Variants in PTPRB observed in about 807,000 individuals in gnomAD.
PTPRB encodes receptor-type tyrosine-protein phosphatase beta.
In PTPRB, 97 loss-of-function variants were observed where a neutral mutation model predicts 238.1. The ratio of observed to expected loss-of-function variants is 0.41; its 90% confidence interval spans 0.35 to 0.48. PTPRB has a LOEUF of 0.48. Among genes scored for constraint, PTPRB ranks in the 20% least tolerant of loss-of-function variants. The pLI, the probability that PTPRB is intolerant of heterozygous loss-of-function variation, is 0.30. For synonymous variants in PTPRB, 970 were observed against 995.4 expected (o/e 0.97, Z 0.48); for missense variants, 2,292 against 2,681.9 (o/e 0.85, Z 3.21).
rs1270991939 is a variant in PTPRB, at chr12:70,517,208, C to G, written c.*4281G>C. The stretch of plus-strand genomic sequence containing the variant: ...ATTCAAAAAGCAAAATAAATTGATT[C>G]AATTGTTTAATCAGTTAAACCATCT... On this transcript the variant is annotated 3_prime_UTR_variant, in exon 34 of 34. Transcript: ENST00000334414. 1 of 152,094 alleles carries G rather than the reference C, an allele frequency of 6.6e-6. No homozygotes were observed. Among genetic ancestry groups the G allele is most frequent in the African/African-American group, 2.4e-5 (1 of 41,412 alleles). The allele number at this position is 152,094 out of a possible 1,614,324, so 9.4% of individuals were successfully genotyped here.
At chr12:70,566,759 T>G in intron 14 of PTPRB, 55 bp from the exon 15 acceptor site, 2 of 1,557,930 alleles carry the variant, frequency 1.3e-6, no homozygotes, top group Non-Finnish European at 1.7e-6. Flanking sequence ...TAGGGTAAAG[T>G]CATCAATTGA....
In PTPRB at chr12:70,539,864, G is replaced by C. The variant is rs746836724; in HGVS notation, c.5679-20C>G. ...CGGTTACTGTGAAGAGAAGCCAAAA[G>C]AGGAAGACTTTGTTAGCAAATTTCA... On this transcript the variant is annotated intron_variant, in intron 24 of 33. Coordinates refer to ENST00000334414, the MANE Select transcript of PTPRB (RefSeq NM_001109754.4). The C allele has an allele frequency of 2.5e-6, 4 of 1,576,512 alleles. No homozygotes were observed. In the Admixed American group the frequency reaches 6.7e-5, roughly 26 times the overall value.
At chr12:70,589,884 G>T (rs193088889) in intron 8 of PTPRB, 80 bp downstream of exon 8, 2 of 1,385,780 alleles carry the variant, frequency 1.4e-6, no homozygotes, top group African/African-American at 2.8e-5. Context: ...GATATTAGCA[G>T]TTACGGCAGT....
intron 28 of PTPRB, 101 bp from the exon 29 acceptor site, chr12:70,536,260 G>A (rs566169232): frequency 1.0e-5 from 14 of 1,337,932 alleles, no homozygotes; most frequent in Non-Finnish European, 1.4e-5. Context: ...TCTCTGCCAA[G>A]TCTCTGACTT....
chr12:70,531,682 C>T (rs1873267741), intron 32 of PTPRB, among the ~76,000 whole-genome samples: 1 of 152,136 alleles, frequency 6.6e-6, no homozygotes, highest in Non-Finnish European at 1.5e-5. Flanking sequence ...CAAATGGAAG[C>T]ACGTGGTCTT....
chr12:70,546,710 A>T (rs545021706), intron 21 of PTPRB, among the ~76,000 whole-genome samples: 45 of 152,330 alleles, frequency 3.0e-4, no homozygotes, highest in African/African-American at 1.1e-3. Flanking sequence ...TTCTAACATT[A>T]GAATATGAGC....
chr12:70,631,515 A>C (rs1885451394), intron 2 of PTPRB, among the ~76,000 whole-genome samples: 2 of 152,238 alleles, frequency 1.3e-5, no homozygotes, highest in Non-Finnish European at 2.9e-5. Context: ...GGACATAGGC[A>C]TGGGCAAACA....
At chr12:70,600,757 G>A (rs1233352196) in intron 4 of PTPRB, among the ~76,000 whole-genome samples, 4 of 152,118 alleles carry the variant, frequency 2.6e-5, no homozygotes, top group African/African-American at 4.8e-5. Context: ...GTCCAGTGAC[G>A]TGATCATGGC....
chr12:70,589,830 C>T lies in PTPRB; in HGVS notation c.2050+134G>A, dbSNP rs188559475. 1,664 of 826,084 alleles carry T rather than the reference C, an allele frequency of 2.0e-3. 9 individuals are homozygous for T. Among genetic ancestry groups the T allele is most frequent in the African/African-American group, 6.1e-3 (358 of 58,654 alleles). 51.2% of individuals were successfully genotyped at this position (826,084 alleles called of 1,614,324 possible). On this transcript the variant is annotated intron_variant, in intron 8 of 33. Transcript: ENST00000334414. ...TTAGGTGTTAGAAACCCCATGTTAG[C>T]CTTAAAGTCCTTAATATCTCAAATT...
At chr12:70,610,087 C>T (rs1340589000) in intron 3 of PTPRB, among the ~76,000 whole-genome samples, 1 of 152,142 alleles carries the variant, frequency 6.6e-6, no homozygotes, top group Non-Finnish European at 1.5e-5. Flanking sequence ...TGCCTCGCCC[C>T]AGCCCCGTCC....
chr12:70,551,313 G>A (rs1876852724), intron 21 of PTPRB, among the ~76,000 whole-genome samples: 1 of 152,170 alleles, frequency 6.6e-6, no homozygotes, highest in Non-Finnish European at 1.5e-5. Flanking sequence ...TCTTTTTGAA[G>A]TAAGTATGAC....
chr12:70,624,528 A>C (rs1885089686), intron 2 of PTPRB, among the ~76,000 whole-genome samples: 1 of 152,172 alleles, frequency 6.6e-6, no homozygotes. Flanking sequence ...ATTCCTTTAC[A>C]ACAAACTCCA....
In PTPRB at chr12:70,552,981, G is replaced by C. The variant is rs1877124998; in HGVS notation, c.5183C>G (p.Pro1728Arg). 6.2e-7 allele frequency: 1 copy of C among 1,613,810 alleles called. No homozygotes were observed. Among genetic ancestry groups the C allele is most frequent in the Admixed American group, 1.7e-5 (1 of 60,018 alleles). ...ELKPEQQHPL[P>R]SYLEYRHNAS... is the part of the protein sequence containing the mutation. ...ATTGTGCCTGTACTCCAGGTAGGAA[G>C]GGAGAGGGTGCTGCTGTTCTGGCTT... The change falls in exon 21 of 34, where the codon CCT becomes CGT. Residue 1728 changes from proline (P) to arginine (R), a missense_variant. Physicochemically the swap from Pro to Arg is moderately radical, Grantham distance 103 (BLOSUM62 -2). This residue lies in a region of PTPRB where 683 missense variants were observed against 862.0 expected (regional missense o/e 0.79). Transcript: ENST00000334414.
chr12:70,572,095 G>A lies in PTPRB; in HGVS notation c.2843-8C>T, dbSNP rs762265489. The A allele has an allele frequency of 1.9e-6, 3 of 1,598,220 alleles. No individual in the cohort carries two copies. Among genetic ancestry groups the A allele is most frequent in the Non-Finnish European group, 8.5e-7 (1 of 1,171,120 alleles). On this transcript the variant is annotated splice_region_variant and splice_polypyrimidine_tract_variant and intron_variant, in intron 11 of 33. Coordinates refer to ENST00000334414, the MANE Select transcript of PTPRB (RefSeq NM_001109754.4). ...CCTGGACTTTGTCAGGCACTGAAAA[G>A]GAAACAGAGAGTAACTAAATATTTA...
At position 70,599,681 on chromosome 12, in the gene PTPRB, A is replaced by G. The variant is rs114049533; in HGVS notation, c.980-3354T>C. Reference sequence around the variant, plus strand: ...TATATACTTGAATAAATCTACCAGCACCAGAAAGCCCCAGAGTTCCATAAG... The same window carrying G: ...TATATACTTGAATAAATCTACCAGCGCCAGAAAGCCCCAGAGTTCCATAAG... On this transcript the variant is annotated intron_variant, in intron 4 of 33. Transcript: ENST00000334414. Among the ~76,000 whole-genome samples the G allele has an allele frequency of 9.3e-3, 1,413 of 152,318 alleles. 19 individuals are homozygous for G. Among genetic ancestry groups the G allele is most frequent in the African/African-American group, 0.031 (1,292 of 41,566 alleles).
chr12:70,549,112 C>T (rs1876508899), intron 21 of PTPRB, among the ~76,000 whole-genome samples: 1 of 152,212 alleles, frequency 6.6e-6, no homozygotes, highest in Non-Finnish European at 1.5e-5. Context: ...CACCCAACAA[C>T]ACGTATTGCC....
intron 3 of PTPRB, among the ~76,000 whole-genome samples, chr12:70,610,544 T>C (rs1255290942): frequency 1.3e-5 from 2 of 152,190 alleles, no homozygotes; most frequent in East Asian, 3.9e-4. Context: ...CCTGAAGTCT[T>C]TTATTAGAGA....
Position 70,530,497 on chromosome 12 carries a change from T to C in PTPRB, c.6504+1538A>G, listed in dbSNP as rs1248591525. ...TGCAATATGACATGTATTACACACA[T>C]ACATATATACATACACACGTGTACA... On this transcript the variant is annotated intron_variant, in intron 32 of 33. Coordinates refer to ENST00000334414, the MANE Select transcript of PTPRB (RefSeq NM_001109754.4). Among the ~76,000 whole-genome samples, 7 of 140,268 alleles carry C rather than the reference T, an allele frequency of 5.0e-5. No homozygotes were observed. The South Asian group carries it at 1.5e-3, about 30-fold the overall frequency. The allele number at this position is 140,268 out of a possible 152,430, so 92.0% of individuals were successfully genotyped here.
intron 2 of PTPRB, among the ~76,000 whole-genome samples, chr12:70,624,729 C>CA (rs1487422625): frequency 1.3e-5 from 2 of 151,888 alleles, no homozygotes; most frequent in South Asian, 2.1e-4. Context: ...CTTAGACCCT[C>CA]AAAAAAAATT....
Sources: allele counts gnomAD v4.1 joint callset (sites outside exome capture counted in the v4.1 genomes callset), GRCh38; gene constraint gnomAD v4.1.1; regional missense constraint gnomAD v4.1.1; transcripts MANE v1.5; gene names NCBI Gene and HGNC (gene_info 2026-07-23, HGNC 2026-07-21).